The following ZFHX2 variants were observed in gnomAD, a reference collection of about 807,000 sequenced individuals.
The protein encoded by ZFHX2 is zinc finger homeobox protein 2.
A neutral mutation model predicts 164.8 loss-of-function variants in ZFHX2; 75 were observed. That is an observed-to-expected ratio of 0.46 (90% confidence interval 0.38 to 0.55). ZFHX2 has a LOEUF of 0.55. Ranked by LOEUF, ZFHX2 falls within the 20% of genes least tolerant of loss-of-function variation. The pLI, the probability that ZFHX2 is intolerant of heterozygous loss-of-function variation, is 0.00. For synonymous variants in ZFHX2, 1,217 were observed against 1,351.4 expected, an observed-to-expected ratio of 0.90 and a Z score of 2.18; for missense variants, 2,933 against 3,308.0, an observed-to-expected ratio of 0.89 and a Z score of 2.78.
rs1189275428 is a variant in ZFHX2, at chr14:23,551,007, C to G, written c.-50+336G>C. On this transcript the variant is annotated intron_variant, in intron 1 of 9. Coordinates refer to ENST00000419474, the MANE Select transcript of ZFHX2 (RefSeq NM_033400.3). The surrounding 1 kb of genome is among the most constrained non-coding windows in gnomAD (Gnocchi z 5.3). ...CGCTCCCTGCCCAACTCGGCGCGGT[C>G]CGTCTAGGCTTTCCATACCCTTCGT... Among the ~76,000 whole-genome samples, 1 of 152,020 alleles carries G rather than the reference C, an allele frequency of 6.6e-6. No individual in the cohort carries two copies. Among genetic ancestry groups the G allele is most frequent in the Non-Finnish European group, 1.5e-5 (1 of 67,996 alleles).
At chr14:23,530,445 G>A in intron 4 of ZFHX2, 1 of 666,896 alleles carries the variant, frequency 1.5e-6, no homozygotes, top group South Asian at 1.5e-5. Flanking sequence ...TCCTTTTATA[G>A]AAGTCCAGCA....
chr14:23,521,772 G>A lies in ZFHX2; in HGVS notation c.*190C>T, dbSNP rs1423324048. ...GGAGGATCAATGTGTGTGTCTGTGG[G>A]GATTGGGAGGAGGCAGGACTCTGCT... On this transcript the variant is annotated 3_prime_UTR_variant, in exon 10 of 10. Coordinates refer to ENST00000419474, the MANE Select transcript of ZFHX2 (RefSeq NM_033400.3). The A allele has an allele frequency of 6.1e-6, 6 of 991,320 alleles. No individual in the cohort carries two copies. The highest frequency in any genetic ancestry group is 1.7e-5 in the South Asian group (1 of 57,144). 61.4% of individuals were successfully genotyped at this position (991,320 alleles called of 1,614,324 possible). A position where few individuals can be genotyped will look rare whatever the true frequency, so the allele number is the denominator to read the frequency against.
chr14:23,546,823 C>T lies in ZFHX2; in HGVS notation c.-50+4520G>A, dbSNP rs1198407745. Among the ~76,000 whole-genome samples, 5 of 152,190 alleles carry T rather than the reference C, an allele frequency of 3.3e-5. No homozygotes were observed. Among genetic ancestry groups the T allele is most frequent in the African/African-American group, 9.7e-5 (4 of 41,436 alleles). On this transcript the variant is annotated intron_variant, in intron 1 of 9. Coordinates refer to ENST00000419474, the MANE Select transcript of ZFHX2 (RefSeq NM_033400.3). This position sits in a 1 kb window ranked among gnomAD's most constrained non-coding sequence, Gnocchi z 4.7. ...CTGCAAAATATGAGCTGCCCAACTC[C>T]GTGGCGGTGGCTGACAGTGCAACAG... is the stretch of plus-strand genomic sequence containing the variant.
rs1255161683 is a variant in ZFHX2 at position 23,521,998 on chromosome 14, T to G, written c.7683A>C (p.Pro2561=). 1.3e-6 allele frequency: 2 copies of G among 1,536,288 alleles called. No homozygotes were observed. The highest frequency in any genetic ancestry group is 8.7e-7 in the Non-Finnish European group (1 of 1,146,920). The change falls in exon 10 of 10, where the codon CCA becomes CCC. Residue 2561 remains proline (P), a synonymous_variant. Coordinates refer to ENST00000419474, the MANE Select transcript of ZFHX2 (RefSeq NM_033400.3). Reference sequence around the variant, plus strand: ...GAAGTGTAGAGGTAGTCGTAGTTTTTGGGTTGGAGTCCGTGTGAGGTAATC... The same window carrying G: ...GAAGTGTAGAGGTAGTCGTAGTTTTGGGGTTGGAGTCCGTGTGAGGTAATC... ...EARLPHTDSN[P]KTTTTSTLLA...
Position 23,534,181 on chromosome 14 carries a change from T to C in ZFHX2, c.1145A>G (p.Asp382Gly). ...PDWFPEGQEE[D>G]GGLCPPLNQS... ...GTTGAGTGGGGGGCAGAGCCCTCCA[T>C]CCTCTTCTTGCCCCTCAGGGAACCA... The change falls in exon 2 of 10, where the codon GAT (aspartate) becomes GGT (glycine). Residue 382 changes from aspartate to glycine, a missense_variant. Asp to Gly is a moderately conservative substitution (Grantham distance 94). Transcript: ENST00000419474. This position sits in a 1 kb window ranked among gnomAD's most constrained non-coding sequence, Gnocchi z 4.5. 1.4e-6 allele frequency: 2 copies of C among 1,476,446 alleles called. No homozygotes were observed. The highest frequency in any genetic ancestry group is 1.8e-6 in the Non-Finnish European group (2 of 1,117,418). 91.5% of individuals were successfully genotyped at this position (1,476,446 alleles called of 1,614,324 possible). A position where few individuals can be genotyped will look rare whatever the true frequency, so the allele number is the denominator to read the frequency against.
At chr14:23,530,073 G>T in intron 5 of ZFHX2, 47 bp downstream of exon 5, 2 of 1,472,652 alleles carry the variant, frequency 1.4e-6, no homozygotes, top group East Asian at 2.5e-5. Flanking sequence ...GGTCCCGTGA[G>T]CGTCTCAGAA....
In ZFHX2 at chr14:23,522,841, T is replaced by C. The variant is rs1396896854; in HGVS notation, c.6840A>G (p.Arg2280=). Reference sequence around the variant, plus strand: ...AGGTGTTGGTTTGGTCGGGCATGGGTCTCTGAGGTAAGGGGCGGCCTGGGC... The same window carrying C: ...AGGTGTTGGTTTGGTCGGGCATGGGCCTCTGAGGTAAGGGGCGGCCTGGGC... ...TAGPGRPLPQ[R]PMPDQTNTST... Residue 2280 remains arginine, a synonymous_variant, in exon 10 of 10, where the codon AGA becomes AGG. Transcript: ENST00000419474. 2 of 1,532,614 alleles carry C rather than the reference T, an allele frequency of 1.3e-6. No homozygotes were observed. The highest frequency in any genetic ancestry group is 8.7e-7 in the Non-Finnish European group (1 of 1,144,900). The allele number at this position is 1,532,614 out of a possible 1,614,324, so 94.9% of individuals were successfully genotyped here.
rs1323637631 is a variant in ZFHX2 at position 23,526,300 on chromosome 14, G to A, written c.3642C>T (p.Ser1214=). 2.0e-6 allele frequency: 3 copies of A among 1,536,302 alleles called. No homozygotes were observed. In the South Asian group the frequency reaches 3.6e-5, roughly 18 times the overall value. ...CAGCCTTCTTCATCTTGTGAAGGTG[G>A]GAGACAGAATTATAATGAACCAACA... ...NILLVHYNSV[S]HLHKMKKAAI... is the part of the protein sequence containing the mutation. The change falls in exon 9 of 10, where the codon TCC becomes TCT. Residue 1214 remains serine, a synonymous_variant. Transcript: ENST00000419474.
At chr14:23,542,703 C>T (rs878888088) in intron 1 of ZFHX2, among the ~76,000 whole-genome samples, 1 of 151,932 alleles carries the variant, frequency 6.6e-6, no homozygotes, top group African/African-American at 2.4e-5. Flanking sequence ...CATGGGGGAC[C>T]GCTGAAGAAT....
At position 23,525,924 on chromosome 14, in the gene ZFHX2, A is replaced by C. The variant is rs185657154; in HGVS notation, c.4018T>G (p.Phe1340Val). 5.9e-4 allele frequency: 867 copies of C among 1,466,900 alleles called. 5 individuals are homozygous for C. In the African/African-American group the frequency reaches 0.012, roughly 20 times the overall value. 90.9% of individuals were successfully genotyped at this position (1,466,900 alleles called of 1,614,324 possible). Residue 1340 changes from phenylalanine (F) to valine (V), a missense_variant, in exon 9 of 10, where the codon TTC becomes GTC. Physicochemically the swap from Phe to Val is conservative, Grantham distance 50. Coordinates refer to ENST00000419474, the MANE Select transcript of ZFHX2 (RefSeq NM_033400.3). This position sits in a 1 kb window ranked among gnomAD's most constrained non-coding sequence, Gnocchi z 5.9. ...LDLHRFPAPL[F>V]TPPVLPPFPL... The stretch of plus-strand genomic sequence containing the variant: ...AAGGGGGGCAGGACTGGTGGGGTGA[A>C]GAGAGGGGCTGGGAATCGGTGCAGG...
At position 23,524,839 on chromosome 14, in the gene ZFHX2, C is replaced by T. The variant is rs1245139064; in HGVS notation, c.5103G>A (p.Glu1701=). Residue 1701 remains glutamate (E), a synonymous_variant, in exon 9 of 10, where the codon GAG becomes GAA. Coordinates refer to ENST00000419474, the MANE Select transcript of ZFHX2 (RefSeq NM_033400.3). The surrounding 1 kb of genome is among the most constrained non-coding windows in gnomAD (Gnocchi z 5.6). ...KCYDDQTLEE[E]EEEAERGEEE... is the part of the protein sequence containing the mutation. Reference sequence around the variant, plus strand: ...CTTCCCCTCTCTCTGCCTCTTCCTCCTCCTCTTCAAGGGTCTGGTCATCAT... The same window carrying T: ...CTTCCCCTCTCTCTGCCTCTTCCTCTTCCTCTTCAAGGGTCTGGTCATCAT... 3.3e-6 allele frequency: 5 copies of T among 1,537,004 alleles called. No homozygotes were observed. Among genetic ancestry groups the T allele is most frequent in the East Asian group, 4.9e-5 (2 of 40,964 alleles).
At position 23,523,400 on chromosome 14, in the gene ZFHX2, T is replaced by C; in HGVS notation, c.6542A>G (p.Gln2181Arg). 6.6e-7 allele frequency: 1 copy of C among 1,518,816 alleles called. No homozygotes were observed. The highest frequency in any genetic ancestry group is 8.8e-7 in the Non-Finnish European group (1 of 1,137,974). The allele number at this position is 1,518,816 out of a possible 1,614,324, so 94.1% of individuals were successfully genotyped here. A position where few individuals can be genotyped will look rare whatever the true frequency, so the allele number is the denominator to read the frequency against. Residue 2181 changes from glutamine to arginine, a missense_variant, in exon 9 of 10, where the codon CAG becomes CGG. Gln to Arg is a conservative substitution (Grantham distance 43). Coordinates refer to ENST00000419474, the MANE Select transcript of ZFHX2 (RefSeq NM_033400.3). This position sits in a 1 kb window ranked among gnomAD's most constrained non-coding sequence, Gnocchi z 4.1. ...GTAGCACTTGCTTTCACTCTTCAGC[T>C]GGGCTCGAACCGCCTCCTTGAGCTT... is the stretch of plus-strand genomic sequence containing the variant. Reference protein sequence around the residue: ...LAKLKEAVRAQLKSESKCYDL... With the variant: ...LAKLKEAVRARLKSESKCYDL...
In ZFHX2 at chr14:23,529,497, T is replaced by TATC. The variant is rs1399719972; in HGVS notation, c.2934+210_2934+212dup. ...CCTCAAGTTCCTGCTGTCTCCCTCC[T>TATC]ATCATCTCCCTCTGTGCTTGACCCT... On this transcript the variant is annotated intron_variant, in intron 6 of 9. Coordinates refer to ENST00000419474, the MANE Select transcript of ZFHX2 (RefSeq NM_033400.3). 8.8e-6 allele frequency: 5 copies of TATC among 565,714 alleles called. No individual in the cohort carries two copies. In the African/African-American group the frequency reaches 9.4e-5, roughly 11 times the overall value. 35.0% of individuals were successfully genotyped at this position (565,714 alleles called of 1,614,324 possible). A position where few individuals can be genotyped will look rare whatever the true frequency, so the allele number is the denominator to read the frequency against.
chr14:23,539,764 AG>A (rs1391475505), intron 1 of ZFHX2, among the ~76,000 whole-genome samples: 2 of 152,074 alleles, frequency 1.3e-5, no homozygotes, highest in Non-Finnish European at 2.9e-5. Flanking sequence ...TGACCAAGAG[AG>A]GAAAGGAAAC....
intron 1 of ZFHX2, among the ~76,000 whole-genome samples, chr14:23,544,691 T>G (rs1380727465): frequency 6.6e-6 from 1 of 152,200 alleles, no homozygotes; most frequent in African/African-American, 2.4e-5. Flanking sequence ...GGCCCAGCCC[T>G]AATGAGTGTG....
At chr14:23,552,810 C>T (rs573138706), upstream of ZFHX2, among the ~76,000 whole-genome samples, 36 of 152,230 alleles carry the variant, frequency 2.4e-4, no homozygotes, top group Admixed American at 1.9e-3. Context: ...CCATCTTAGC[C>T]AGGCTGGTCT....
chr14:23,522,472 C>G lies in ZFHX2; in HGVS notation c.7209G>C (p.Pro2403=). The G allele has an allele frequency of 6.5e-7, 1 of 1,535,106 alleles. No homozygotes were observed. The highest frequency in any genetic ancestry group is 8.7e-7 in the Non-Finnish European group (1 of 1,146,246). The change falls in exon 10 of 10, where the codon CCG becomes CCC. Residue 2403 remains proline (P), a synonymous_variant. Coordinates refer to ENST00000419474, the MANE Select transcript of ZFHX2 (RefSeq NM_033400.3). ...IGLLPNALLQ[P]PPQPPEPTAT... ...CTGTGGGCTCAGGGGGCTGGGGTGG[C>G]GGCTGGAGGAGGGCATTGGGGAGCA... is the stretch of plus-strand genomic sequence containing the variant.
chr14:23,535,916 A>G lies in ZFHX2; in HGVS notation c.-49-542T>C, dbSNP rs1880091527. Among the ~76,000 whole-genome samples, 2 of 152,106 alleles carry G rather than the reference A, an allele frequency of 1.3e-5. No homozygotes were observed. Among genetic ancestry groups the G allele is most frequent in the Non-Finnish European group, 2.9e-5 (2 of 68,010 alleles). On this transcript the variant is annotated intron_variant, in intron 1 of 9. Transcript: ENST00000419474. This position sits in a 1 kb window ranked among gnomAD's most constrained non-coding sequence, Gnocchi z 4.5. ...CTAGAACTCTTTATTTGTCCCCTGA[A>G]CCTGCTCCTCCCCATCTTTCCTATC...
upstream of ZFHX2, among the ~76,000 whole-genome samples, chr14:23,554,549 ATT>A (rs35367737): frequency 2.4e-3 from 320 of 135,548 alleles, 1 homozygote; most frequent in African/African-American, 7.2e-3. Flanking sequence ...GCTAATTAAA[ATT>A]TTTTTTTTTT....
Sources: gnomAD v4.1 joint callset for allele counts (sites outside exome capture counted in the v4.1 genomes callset) on GRCh38, gnomAD v4.1.1 for gene constraint, Gnocchi (gnomAD v3.1) non-coding constraint, MANE v1.5 for transcripts, NCBI Gene and HGNC (gene_info 2026-07-23, HGNC 2026-07-21) for gene names.